DIS3L2: variants seen among roughly 807,000 people sequenced by gnomAD.
The protein encoded by DIS3L2 is DIS3 like 3'-5' exoribonuclease 2.
A neutral mutation model predicts 97.5 loss-of-function variants in DIS3L2; 34 were observed. That is an observed-to-expected ratio of 0.35 (90% CI 0.27 to 0.46). DIS3L2 has a LOEUF of 0.46. Ranked by LOEUF, DIS3L2 falls within the 20% of genes least tolerant of loss-of-function variation. The probability of loss-of-function intolerance (pLI) is 1.00; values close to 1 mark genes in which losing one functional copy is unlikely to be tolerated. For synonymous variants in DIS3L2, 435 were observed against 445.2 expected (o/e 0.98, Z 0.29); for missense variants, 1,038 against 1,146.0 (o/e 0.91, Z 1.36).
rs892464128 is a variant in DIS3L2, at chr2:232,100,827, G to GTA, written c.601+13107_601+13108insAT. Among the ~76,000 whole-genome samples, 16 of 147,162 alleles carry GTA rather than the reference G, an allele frequency of 1.1e-4. 1 individual carries two copies. Among genetic ancestry groups the GTA allele is most frequent in the African/African-American group, 3.6e-4 (14 of 38,720 alleles). On this transcript the variant is annotated intron_variant, in intron 6 of 20. Coordinates refer to ENST00000325385, the MANE Select transcript of DIS3L2 (RefSeq NM_152383.5). ...AAGGTGTGTGTGTGTGTGTGTGTGT[G>GTA]TGTATATATATCTCCACAAATTTGA...
intron 5 of DIS3L2, among the ~76,000 whole-genome samples, chr2:232,082,032 C>T (rs772787322): frequency 8.5e-5 from 13 of 152,162 alleles, no homozygotes; most frequent in Non-Finnish European, 1.8e-4. Context: ...TCAGATGATC[C>T]GCCCACCTTG....
intron 6 of DIS3L2, among the ~76,000 whole-genome samples, chr2:232,097,698 G>C (rs971752973): frequency 2.0e-5 from 3 of 152,142 alleles, no homozygotes; most frequent in African/African-American, 7.2e-5. Flanking sequence ...TAAGAGCCAA[G>C]GCCTAGAATC....
chr2:232,004,484 ACTC>A (rs915165927), intron 1 of DIS3L2, among the ~76,000 whole-genome samples: 13 of 150,030 alleles, frequency 8.7e-5, no homozygotes, highest in African/African-American at 2.0e-4. Context: ...TAAAGTTTAA[ACTC>A]CTTGAGTGTT....
chr2:232,281,679 G>A lies in DIS3L2; in HGVS notation c.1659+18239G>A, dbSNP rs1694287463. 6.6e-6 allele frequency among the ~76,000 whole-genome samples: 1 copy of A among 152,134 alleles called. No homozygotes were observed. Among genetic ancestry groups the A allele is most frequent in the Admixed American group, 6.5e-5 (1 of 15,278 alleles). On this transcript the variant is annotated intron_variant, in intron 13 of 20. Transcript: ENST00000325385. This position sits in a 1 kb window ranked among gnomAD's most constrained non-coding sequence, Gnocchi z 4.1. ...AGGGGGGACACCTGGATATGCCCAG[G>A]TTTCTGACAGGCAGGAAGACGTGCC...
chr2:232,336,213 G>C (rs1444026472), intron 20 of DIS3L2: 3 of 1,537,404 alleles, frequency 2.0e-6, no homozygotes, highest in Middle Eastern at 1.7e-4. Flanking sequence ...TTCACCAACA[G>C]TGTGCCCTGA....
intron 5 of DIS3L2, among the ~76,000 whole-genome samples, chr2:232,081,127 C>T (rs1483406858): frequency 6.6e-6 from 1 of 152,036 alleles, no homozygotes; most frequent in Non-Finnish European, 1.5e-5. Flanking sequence ...TTCCTGTGTT[C>T]CATTTCCTAT....
At chr2:231,965,096 T>C (rs1692674494) in intron 1 of DIS3L2, among the ~76,000 whole-genome samples, 1 of 152,254 alleles carries the variant, frequency 6.6e-6, no homozygotes, top group South Asian at 2.1e-4. Context: ...TTTTCCTGTT[T>C]GACATCTAAA....
intron 12 of DIS3L2, among the ~76,000 whole-genome samples, chr2:232,259,201 C>T (rs1277905705): frequency 1.3e-5 from 2 of 152,030 alleles, no homozygotes; most frequent in East Asian, 3.9e-4. Context: ...TGATCATCAG[C>T]ACTGCAGTCT....
At chr2:232,331,166 G>T (rs916147079) in intron 16 of DIS3L2, among the ~76,000 whole-genome samples, 1 of 152,280 alleles carries the variant, frequency 6.6e-6, no homozygotes, top group African/African-American at 2.4e-5. Flanking sequence ...CTAGCTGTCA[G>T]CCTCTGGCCA....
At chr2:232,298,237 C>T (rs1694767975) in intron 13 of DIS3L2, among the ~76,000 whole-genome samples, 3 of 152,166 alleles carry the variant, frequency 2.0e-5, no homozygotes, top group Admixed American at 2.0e-4. Flanking sequence ...CTGGGGGGAA[C>T]AGTTTTGCAA....
At chr2:232,155,879 A>G (rs56781464) in intron 8 of DIS3L2, among the ~76,000 whole-genome samples, 1,564 of 151,216 alleles carry the variant, frequency 0.01, 25 homozygotes, top group African/African-American at 0.036. Flanking sequence ...AGTCCCAGCT[A>G]CTCGGGAGGC....
intron 5 of DIS3L2, among the ~76,000 whole-genome samples, chr2:232,041,777 T>TG (rs1453854694): frequency 6.6e-6 from 1 of 152,210 alleles, no homozygotes; most frequent in African/African-American, 2.4e-5. Context: ...TTTTACTCAT[T>TG]GAAACTGTTA....
intron 7 of DIS3L2, among the ~76,000 whole-genome samples, chr2:232,133,136 A>G (rs906717764): frequency 1.3e-5 from 2 of 152,176 alleles, no homozygotes; most frequent in Non-Finnish European, 2.9e-5. Context: ...GGTAGCACCA[A>G]TAAAGGTGAT....
chr2:232,121,045 C>A (rs996419218), intron 6 of DIS3L2, among the ~76,000 whole-genome samples: 5 of 152,180 alleles, frequency 3.3e-5, no homozygotes, highest in Non-Finnish European at 5.9e-5. Flanking sequence ...CTGTCCTCCC[C>A]CTACAGCTTC....
rs751422113 is a variant in DIS3L2, at chr2:232,334,761, G to T, written c.2394+26G>T. The T allele has an allele frequency of 1.1e-5, 17 of 1,570,728 alleles. No homozygotes were observed. In the African/African-American group the frequency reaches 2.3e-4, roughly 21 times the overall value. On this transcript the variant is annotated intron_variant, in intron 19 of 20. Transcript: ENST00000325385. ...GTGAGTGCCCTGGGAGAGCCCGGGG[G>T]CGGGCAGGGCAGCCCAAGCCATCCC...
At chr2:232,163,698 G>A in intron 9 of DIS3L2, 66 bp downstream of exon 9, 1 of 1,504,044 alleles carries the variant, frequency 6.6e-7, no homozygotes, top group Non-Finnish European at 8.9e-7. Flanking sequence ...TAGGGGCTAG[G>A]CTTAGATGTT....
intron 4 of DIS3L2, among the ~76,000 whole-genome samples, chr2:232,027,144 A>G (rs1694682319): frequency 6.6e-6 from 1 of 152,172 alleles, no homozygotes; most frequent in Non-Finnish European, 1.5e-5. Flanking sequence ...TAGAGGCAAC[A>G]GATTACTCAT....
intron 5 of DIS3L2, among the ~76,000 whole-genome samples, chr2:232,055,133 A>C (rs1339247288): frequency 2.0e-5 from 3 of 152,244 alleles, no homozygotes; most frequent in Admixed American, 2.0e-4. Flanking sequence ...AGTAAACATC[A>C]TAGCTAATGT....
At chr2:232,287,803 G>A (rs922595706) in intron 13 of DIS3L2, among the ~76,000 whole-genome samples, 1 of 152,120 alleles carries the variant, frequency 6.6e-6, no homozygotes, top group East Asian at 1.9e-4. Context: ...CACAATACGC[G>A]TGGGTTCTTT....
Sources: allele counts gnomAD v4.1 joint callset (sites outside exome capture counted in the v4.1 genomes callset), GRCh38; gene constraint gnomAD v4.1.1; non-coding constraint Gnocchi (gnomAD v3.1); transcripts MANE v1.5; gene names NCBI Gene and HGNC (gene_info 2026-07-23, HGNC 2026-07-21).